ENTPD1: variants seen among roughly 807,000 people sequenced by gnomAD.
ENTPD1 encodes the protein ATP diphosphohydrolase.
ENTPD1 carries 33 observed loss-of-function variants against 57.0 expected under a neutral mutation model. The ratio of observed to expected loss-of-function variants is 0.58; its 90% CI spans 0.44 to 0.77. The LOEUF is 0.77. Ranked by LOEUF, ENTPD1 falls within the 30% of genes least tolerant of loss-of-function variation. ENTPD1 has a pLI of 0.00. For missense variants in ENTPD1, 501 were observed against 603.4 expected, an observed-to-expected ratio of 0.83 and a Z score of 1.78; for synonymous variants, 202 against 218.8, an observed-to-expected ratio of 0.92 and a Z score of 0.68.
the ENTPD1 span, among the ~76,000 whole-genome samples, chr10:95,698,645 C>T: frequency 6.6e-6 from 1 of 152,220 alleles, no homozygotes; most frequent in South Asian, 2.1e-4. Flanking sequence ...GGGTACTCTC[C>T]ACAGGCTCAC....
intron 1 of ENTPD1, among the ~76,000 whole-genome samples, chr10:95,815,868 T>C (rs1306026107): frequency 1.3e-5 from 2 of 152,326 alleles, no homozygotes; most frequent in South Asian, 2.1e-4. Context: ...AGTGGGCAAC[T>C]TGGAGAACAA....
intron 1 of ENTPD1, among the ~76,000 whole-genome samples, chr10:95,768,973 G>A (rs1456750818): frequency 6.6e-6 from 1 of 152,200 alleles, no homozygotes; most frequent in East Asian, 1.9e-4. Flanking sequence ...GGAATGCATA[G>A]TCTGCCCATG....
At chr10:95,826,571 CAAAAAAAAAAA>C (rs35615283) in intron 2 of ENTPD1, among the ~76,000 whole-genome samples, 1 of 107,990 alleles carries the variant, frequency 9.3e-6, no homozygotes, top group African/African-American at 3.6e-5. Flanking sequence ...GACGCCAACT[CAAAAAAAAAAA>C]AAAAAAAAAA....
chr10:95,864,833 C>G lies in ENTPD1; in HGVS notation c.1298C>G (p.Ser433Cys). Residue 433 changes from serine (S) to cysteine (C), a missense_variant, in exon 9 of 10, where the codon TCC (serine) becomes TGC (cysteine). Coordinates refer to ENST00000371205, the MANE Select transcript of ENTPD1 (RefSeq NM_001776.6). ...LLQGYHFTAD[S>C]WEHIHFIGKI... ...CAAGGCTATCATTTCACAGCTGATT[C>G]CTGGGAGCACATCCATTTCATTGGC... The G allele has an allele frequency of 6.2e-7, 1 of 1,613,852 alleles. No homozygotes were observed. The highest frequency in any genetic ancestry group is 8.5e-7 in the Non-Finnish European group (1 of 1,180,018).
chr10:95,837,036 T>C (rs184831355), intron 2 of ENTPD1, among the ~76,000 whole-genome samples: 49 of 152,366 alleles, frequency 3.2e-4, no homozygotes, highest in Non-Finnish European at 5.9e-4. Flanking sequence ...CTTCAATTTG[T>C]GTTAAAATAT....
chr10:95,845,809 C>T, intron 6 of ENTPD1: 2 of 661,754 alleles, frequency 3.0e-6, no homozygotes, highest in Non-Finnish European at 5.2e-6. Context: ...TGCGTTATCT[C>T]CACAGACACA....
rs145362074 is a variant in ENTPD1 at position 95,820,274 on chromosome 10, T to G, written c.17-2963T>G. Among the ~76,000 whole-genome samples, 674 of 152,328 alleles carry G rather than the reference T, an allele frequency of 4.4e-3. 4 individuals carry two copies. Among genetic ancestry groups the G allele is most frequent in the African/African-American group, 0.015 (643 of 41,562 alleles). On this transcript the variant is annotated intron_variant, in intron 1 of 9. Coordinates refer to ENST00000371205, the MANE Select transcript of ENTPD1 (RefSeq NM_001776.6). The stretch of plus-strand genomic sequence containing the variant: ...ACAAACTTAACCATTGTGGGTTCTT[T>G]TGGTAATAAAAACATTTGAAAAATC...
At chr10:95,838,152 T>C (rs933481451) in intron 2 of ENTPD1, among the ~76,000 whole-genome samples, 2 of 152,170 alleles carry the variant, frequency 1.3e-5, no homozygotes, top group Admixed American at 6.5e-5. Flanking sequence ...CTAAGGAAGA[T>C]TTAAAAGCAC....
At chr10:95,755,736 T>C, upstream of ENTPD1, 1 of 1,537,264 alleles carries the variant, frequency 6.5e-7, no homozygotes, top group Non-Finnish European at 8.7e-7. Flanking sequence ...AGAACTGTTC[T>C]TGACTTTCAG....
At chr10:95,839,490 A>G in intron 2 of ENTPD1, 1 of 632,208 alleles carries the variant, frequency 1.6e-6, no homozygotes, top group Non-Finnish European at 2.8e-6. Flanking sequence ...CTAACATGCA[A>G]ACAGCATGAA....
chr10:95,854,555 C>T (rs1241280904), intron 7 of ENTPD1, among the ~76,000 whole-genome samples: 1 of 152,074 alleles, frequency 6.6e-6, no homozygotes, highest in African/African-American at 2.4e-5. Flanking sequence ...TTCCTGCTTT[C>T]TCTTGTGGGC....
At chr10:95,763,804 G>C (rs914972147) in intron 1 of ENTPD1, among the ~76,000 whole-genome samples, 1 of 152,214 alleles carries the variant, frequency 6.6e-6, no homozygotes, top group African/African-American at 2.4e-5. Context: ...GCTTTAGTTA[G>C]TTAACACACA....
upstream of ENTPD1, among the ~76,000 whole-genome samples, chr10:95,707,977 T>G (rs535793571): frequency 6.6e-6 from 1 of 152,256 alleles, no homozygotes; most frequent in African/African-American, 2.4e-5. Flanking sequence ...TGTTTATACT[T>G]CAACAAAAAA....
intron 3 of ENTPD1, 76 bp downstream of exon 3, chr10:95,839,884 C>A: frequency 6.8e-7 from 1 of 1,475,674 alleles, no homozygotes; most frequent in South Asian, 1.1e-5. Context: ...CAGTAGAACA[C>A]AAGAGAAAAA....
At chr10:95,703,214 A>C in the ENTPD1 span, among the ~76,000 whole-genome samples, 1 of 152,236 alleles carries the variant, frequency 6.6e-6, no homozygotes. Flanking sequence ...TGTATTTATA[A>C]ACCAAAAACT....
At chr10:95,860,059 G>C (rs2098462719) in intron 7 of ENTPD1, among the ~76,000 whole-genome samples, 1 of 151,906 alleles carries the variant, frequency 6.6e-6, no homozygotes, top group South Asian at 2.1e-4. Flanking sequence ...AAGCACAAGG[G>C]GAAAAAACCA....
At chr10:95,756,029 C>G, upstream of ENTPD1, 1 of 1,468,626 alleles carries the variant, frequency 6.8e-7, no homozygotes. Context: ...TGCTGGACTC[C>G]TCAGTCAATC....
rs150366252 is a variant in ENTPD1, at chr10:95,782,968, C to G, written c.16+26713C>G. Among the ~76,000 whole-genome samples the G allele has an allele frequency of 2.7e-3, 405 of 152,136 alleles. 1 individual carries two copies. In the Middle Eastern group the frequency reaches 0.027, roughly 10 times the overall value. On this transcript the variant is annotated intron_variant, in intron 1 of 9. Coordinates refer to ENST00000371205, the MANE Select transcript of ENTPD1 (RefSeq NM_001776.6). ...TACACTCAGCAACATACAGGTTGGGCAAGTTGCTTTGCTCTTTAGCTTCAG... is the reference window on the plus strand; with the variant it reads ...TACACTCAGCAACATACAGGTTGGGGAAGTTGCTTTGCTCTTTAGCTTCAG...
At chr10:95,809,582 C>CCCA (rs1555293659) in intron 1 of ENTPD1, among the ~76,000 whole-genome samples, 1 of 118,600 alleles carries the variant, frequency 8.4e-6, no homozygotes, top group Non-Finnish European at 1.9e-5. Context: ...GGCGCCCCCC[C>CCCA]ACCTCCCAGA....
Sources: gnomAD v4.1 joint callset for allele counts (sites outside exome capture counted in the v4.1 genomes callset) on GRCh38, gnomAD v4.1.1 for gene constraint, MANE v1.5 for transcripts, NCBI Gene and HGNC (gene_info 2026-07-23, HGNC 2026-07-21) for gene names.